The following KCNJ15 variants were observed in gnomAD, a reference collection of about 807,000 sequenced individuals.
KCNJ15 encodes the protein ATP-sensitive inward rectifier potassium channel 15.
Under a neutral mutation model 23.0 loss-of-function variants are expected in KCNJ15, and 14 were observed. The ratio of observed to expected loss-of-function variants is 0.61; its 90% CI spans 0.40 to 0.95. The LOEUF (loss-of-function observed/expected upper bound fraction) is 0.95. KCNJ15 is among the 40% of genes least tolerant of loss of function. The pLI is 0.00. For synonymous variants in KCNJ15, 185 were observed against 183.2 expected (o/e 1.01, Z -0.08); for missense variants, 388 against 461.8 (o/e 0.84, Z 1.46).
intron 1 of KCNJ15, among the ~76,000 whole-genome samples, chr21:38,274,381 G>A (rs893489449): frequency 2.0e-5 from 3 of 151,294 alleles, no homozygotes; most frequent in African/African-American, 7.3e-5. Context: ...TCCAATTTCT[G>A]TCCTCCTCTA....
At chr21:38,260,766 T>A (rs1332347920) in intron 1 of KCNJ15, among the ~76,000 whole-genome samples, 1 of 152,208 alleles carries the variant, frequency 6.6e-6, no homozygotes, top group African/African-American at 2.4e-5. Context: ...ACCTTAGGAC[T>A]GAGGACCTAC....
At chr21:38,268,550 G>GAAAAAAAAAAAAA (rs576709021) in intron 1 of KCNJ15, among the ~76,000 whole-genome samples, 4 of 47,274 alleles carry the variant, frequency 8.5e-5, no homozygotes, top group Non-Finnish European at 2.0e-4. Flanking sequence ...CTTAAAATCT[G>GAAAAAAAAAAAAA]AAAAAAAAAA....
rs1459626279 is a variant in KCNJ15 at position 38,288,026 on chromosome 21, CTTTGTTTTTTTTTTTTT to C, written c.-116-8896_-116-8880del. Among the ~76,000 whole-genome samples the C allele has an allele frequency of 1.9e-3, 148 of 78,210 alleles. 13 individuals carry two copies. The highest frequency in any genetic ancestry group is 7.2e-3 in the African/African-American group (141 of 19,474). The allele number at this position is 78,210 out of a possible 152,430, so 51.3% of individuals were successfully genotyped here. A position where few individuals can be genotyped will look rare whatever the true frequency, so the allele number is the denominator to read the frequency against. ...CCATTGTTAAATAACTTGTTTTTTT[CTTTGTTTTTTTTTTTTT>C]TTTTTTTTTTTTTTTGAGATGGAGT... On this transcript the variant is annotated intron_variant, in intron 1 of 2. Coordinates refer to ENST00000398938, the MANE Select transcript of KCNJ15 (RefSeq NM_170736.3).
At chr21:38,293,231 T>G (rs987891433) in intron 1 of KCNJ15, among the ~76,000 whole-genome samples, 36 of 152,080 alleles carry the variant, frequency 2.4e-4, no homozygotes, top group African/African-American at 8.5e-4. Context: ...TCTTCCCACT[T>G]ACCAGAAGGA....
Position 38,295,560 on chromosome 21 carries a change from T to C in KCNJ15, c.-116-1366T>C, listed in dbSNP as rs1187871420. Among the ~76,000 whole-genome samples, 3 of 151,812 alleles carry C rather than the reference T, an allele frequency of 2.0e-5. No individual in the cohort carries two copies. In the East Asian group the frequency reaches 5.8e-4, roughly 29 times the overall value. ...TGGCAAGCTGCACTTTTTTTTTTAATGGGAAAAAGGTTAAGATAGGGGAAA... is the reference window on the plus strand; with the variant it reads ...TGGCAAGCTGCACTTTTTTTTTTAACGGGAAAAAGGTTAAGATAGGGGAAA... On this transcript the variant is annotated intron_variant, in intron 1 of 2. Coordinates refer to ENST00000398938, the MANE Select transcript of KCNJ15 (RefSeq NM_170736.3).
At chr21:38,281,565 C>T (rs1022197346) in intron 1 of KCNJ15, among the ~76,000 whole-genome samples, 1 of 152,184 alleles carries the variant, frequency 6.6e-6, no homozygotes, top group South Asian at 2.1e-4. Context: ...GGATAATGGT[C>T]TCCAGCTCCA....
chr21:38,298,734 A>G (rs1424327570), intron 2 of KCNJ15, among the ~76,000 whole-genome samples: 1 of 152,250 alleles, frequency 6.6e-6, no homozygotes, highest in African/African-American at 2.4e-5. Flanking sequence ...TAGTTATAGC[A>G]GTACTGGACT....
At position 38,265,450 on chromosome 21, in the gene KCNJ15, C is replaced by A. The variant is rs554214125; in HGVS notation, c.-117+8265C>A. Reference sequence around the variant, plus strand: ...TGTTCCCTAAATGATACTTTCTGCACAGCACTTTGCTTAGTTTTCAGTATC... The same window carrying A: ...TGTTCCCTAAATGATACTTTCTGCAAAGCACTTTGCTTAGTTTTCAGTATC... On this transcript the variant is annotated intron_variant, in intron 1 of 2. Coordinates refer to ENST00000398938, the MANE Select transcript of KCNJ15 (RefSeq NM_170736.3). Among the ~76,000 whole-genome samples, 14 of 152,342 alleles carry A rather than the reference C, an allele frequency of 9.2e-5. No homozygotes were observed. The South Asian group carries it at 2.9e-3, about 32-fold the overall frequency.
At chr21:38,298,161 A>C (rs1985360210) in intron 2 of KCNJ15, 1 of 152,158 alleles carries the variant, frequency 6.6e-6, no homozygotes, top group Admixed American at 6.5e-5. Flanking sequence ...GGGGAAATTT[A>C]TGTCAGTCAT....
At chr21:38,274,423 GA>G (rs3842455) in intron 1 of KCNJ15, among the ~76,000 whole-genome samples, 118,813 of 152,096 alleles carry the variant, frequency 0.78, 46,605 homozygotes, top group African/African-American at 0.84. Context: ...GCTGTCTGTG[GA>G]AAATGCACGT....
chr21:38,242,587 C>T (rs928959536), intron 1 of KCNJ15, among the ~76,000 whole-genome samples: 15 of 152,172 alleles, frequency 9.9e-5, no homozygotes, highest in African/African-American at 3.4e-4. Flanking sequence ...ATCGATAGGA[C>T]GTCTTTCCCT....
rs567327918 is a variant in KCNJ15, at chr21:38,298,838, A to G, written c.-18-406A>G. On this transcript the variant is annotated intron_variant, in intron 2 of 2. Transcript: ENST00000398938. ...TATTACTCTATGAAATAAATGCATA[A>G]GAGTTTGTTATCACAAAAAACAGCA... is the stretch of plus-strand genomic sequence containing the variant. 3.9e-5 allele frequency among the ~76,000 whole-genome samples: 6 copies of G among 152,356 alleles called. No individual in the cohort carries two copies. In the South Asian group the frequency reaches 1.0e-3, roughly 26 times the overall value.
At chr21:38,288,954 C>A (rs1192358949) in intron 1 of KCNJ15, among the ~76,000 whole-genome samples, 1 of 152,164 alleles carries the variant, frequency 6.6e-6, no homozygotes, top group African/African-American at 2.4e-5. Context: ...AATCTCATCA[C>A]TTTGGGAGGC....
At chr21:38,243,684 A>T (rs922436877) in intron 1 of KCNJ15, among the ~76,000 whole-genome samples, 1 of 152,188 alleles carries the variant, frequency 6.6e-6, no homozygotes, top group African/African-American at 2.4e-5. Flanking sequence ...GGCCTTCCAA[A>T]GTGCTGGGAT....
Position 38,287,728 on chromosome 21 carries a change from G to A in KCNJ15, c.-116-9198G>A, listed in dbSNP as rs142079588. Among the ~76,000 whole-genome samples the A allele has an allele frequency of 6.1e-3, 927 of 152,254 alleles. 5 individuals are homozygous for A. Among genetic ancestry groups the A allele is most frequent in the Non-Finnish European group, 0.011 (729 of 68,016 alleles). ...TGGTTAGAATGTGTTTTCTTACACTGTACAGTGATGGAAATTAGTTAACTG... is the reference window on the plus strand; with the variant it reads ...TGGTTAGAATGTGTTTTCTTACACTATACAGTGATGGAAATTAGTTAACTG... On this transcript the variant is annotated intron_variant, in intron 1 of 2. Transcript: ENST00000398938.
rs902849327 is a variant in KCNJ15 at position 38,303,883 on chromosome 21, GAGA to G, written c.*3501_*3503del. 10 of 152,116 alleles carry G rather than the reference GAGA, an allele frequency of 6.6e-5. No individual in the cohort carries two copies. Among genetic ancestry groups the G allele is most frequent in the African/African-American group, 9.7e-5 (4 of 41,428 alleles). 9.4% of individuals were successfully genotyped at this position (152,116 alleles called of 1,614,324 possible). A position where few individuals can be genotyped will look rare whatever the true frequency, so the allele number is the denominator to read the frequency against. Reference sequence around the variant, plus strand: ...TTCAATATATATGCCCAGCTGGAGGGAGAAGAAGAGAAAAATGAAAGCACTAGG... The same window carrying G: ...TTCAATATATATGCCCAGCTGGAGGGAGAAGAGAAAAATGAAAGCACTAGG... On this transcript the variant is annotated 3_prime_UTR_variant, in exon 3 of 3. Coordinates refer to ENST00000398938, the MANE Select transcript of KCNJ15 (RefSeq NM_170736.3).
In KCNJ15 at chr21:38,300,581, G is replaced by A. The variant is rs1243421742; in HGVS notation, c.*192G>A. On this transcript the variant is annotated 3_prime_UTR_variant, in exon 3 of 3. Coordinates refer to ENST00000398938, the MANE Select transcript of KCNJ15 (RefSeq NM_170736.3). ...TCTGTGTTTGAGAGATTTCCTGTTA[G>A]GTGCTTCGTCTGAAAGTGAACTCTC... is the stretch of plus-strand genomic sequence containing the variant. 2 of 559,398 alleles carry A rather than the reference G, an allele frequency of 3.6e-6. No homozygotes were observed. Among genetic ancestry groups the A allele is most frequent in the African/African-American group, 3.8e-5 (2 of 52,358 alleles). 34.7% of individuals were successfully genotyped at this position (559,398 alleles called of 1,614,324 possible).
chr21:38,259,367 A>G (rs929849369), intron 1 of KCNJ15, among the ~76,000 whole-genome samples: 4 of 152,154 alleles, frequency 2.6e-5, no homozygotes, highest in African/African-American at 9.7e-5. Flanking sequence ...GGCCCGTGGG[A>G]ATGCTTGTTG....
intron 1 of KCNJ15, among the ~76,000 whole-genome samples, chr21:38,278,263 C>G (rs984897726): frequency 1.6e-4 from 25 of 152,316 alleles, no homozygotes; most frequent in African/African-American, 5.5e-4. Flanking sequence ...GATATGGCAG[C>G]TTGCATTCCA....
Sources: allele counts gnomAD v4.1 joint callset (sites outside exome capture counted in the v4.1 genomes callset), GRCh38; gene constraint gnomAD v4.1.1; transcripts MANE v1.5; gene names NCBI Gene and HGNC (gene_info 2026-07-23, HGNC 2026-07-21).